The following BBOF1 variants were observed in gnomAD, a reference collection of about 807,000 sequenced individuals.
BBOF1 encodes the protein basal body-orientation factor 1.
Under a neutral mutation model 68.0 loss-of-function variants are expected in BBOF1, and 62 were observed. That is an observed-to-expected ratio of 0.91 (90% CI 0.74 to 1.13). BBOF1 has a LOEUF of 1.13. BBOF1 is among the 50% of genes most tolerant of loss of function. The probability of loss-of-function intolerance (pLI) is 0.00; values close to 1 mark genes in which losing one functional copy is unlikely to be tolerated. For missense variants in BBOF1, 534 were observed against 600.1 expected, an observed-to-expected ratio of 0.89 and a Z score of 1.15; for synonymous variants, 208 against 198.8, an observed-to-expected ratio of 1.05 and a Z score of -0.39.
Position 74,065,082 on chromosome 14 carries a change from T to TG in BBOF1, c.*388dup. ...AGAAATGGGGCAATGTGGGAGGTCA[T>TG]GGGGGCAATCTTAAACCAATGACTC... On this transcript the variant is annotated 3_prime_UTR_variant, in exon 12 of 12. Coordinates refer to ENST00000394009, the MANE Select transcript of BBOF1 (RefSeq NM_025057.3). 1 of 1,475,260 alleles carries TG rather than the reference T, an allele frequency of 6.8e-7. No individual in the cohort carries two copies. The highest frequency in any genetic ancestry group is 9.4e-7 in the Non-Finnish European group (1 of 1,062,772). 91.4% of individuals were successfully genotyped at this position (1,475,260 alleles called of 1,614,324 possible).
At position 74,021,914 on chromosome 14, in the gene BBOF1, GA is replaced by G. The variant is rs75025503; in HGVS notation, c.57-990del. Among the ~76,000 whole-genome samples, 55 of 138,126 alleles carry G rather than the reference GA, an allele frequency of 4.0e-4. 1 individual carries two copies. Among genetic ancestry groups the G allele is most frequent in the Middle Eastern group, 7.2e-3 (2 of 276 alleles). The allele number at this position is 138,126 out of a possible 152,430, so 90.6% of individuals were successfully genotyped here. ...AGAGTGAGACTCCGTCCCTCCCCCAGAAAAAAAAAAAACACACTCAAAAGTG... is the reference window on the plus strand; with the variant it reads ...AGAGTGAGACTCCGTCCCTCCCCCAGAAAAAAAAAAACACACTCAAAAGTG... On this transcript the variant is annotated intron_variant, in intron 1 of 11. Coordinates refer to ENST00000394009, the MANE Select transcript of BBOF1 (RefSeq NM_025057.3).
At chr14:74,023,999 A>C (rs193239858) in intron 2 of BBOF1, among the ~76,000 whole-genome samples, 1 of 151,880 alleles carries the variant, frequency 6.6e-6, no homozygotes, top group African/African-American at 2.4e-5. Flanking sequence ...ACAATGTACT[A>C]TACTGGGTGC....
intron 9 of BBOF1, among the ~76,000 whole-genome samples, chr14:74,072,805 T>C (rs2060568826): frequency 6.7e-6 from 1 of 148,356 alleles, no homozygotes; most frequent in Non-Finnish European, 1.5e-5. Context: ...TGTGTGTTTA[T>C]TTTTTTTTTG....
intron 8 of BBOF1, 147 bp from the exon 9 acceptor site, chr14:74,055,436 AC>A: frequency 1.7e-6 from 1 of 596,188 alleles, no homozygotes. Context: ...GGTGTGAGCC[AC>A]CGCGCCTGGC....
At chr14:74,063,993 A>G (rs908227346) in intron 11 of BBOF1, among the ~76,000 whole-genome samples, 2 of 151,976 alleles carry the variant, frequency 1.3e-5, no homozygotes, top group Non-Finnish European at 2.9e-5. Context: ...CTGTATTCAT[A>G]GTGCCTAAAA....
Position 74,050,199 on chromosome 14 carries a change from C to G in BBOF1, c.1286+4C>G. 1 of 1,522,160 alleles carries G rather than the reference C, an allele frequency of 6.6e-7. No individual in the cohort carries two copies. Among genetic ancestry groups the G allele is most frequent in the Non-Finnish European group, 8.8e-7 (1 of 1,137,344 alleles). 94.3% of individuals were successfully genotyped at this position (1,522,160 alleles called of 1,614,324 possible). Reference sequence around the variant, plus strand: ...ATCTTCTGGAGGCCGAAAAATGGTACTAGCAATACTTTATTATTATCTTTT... The same window carrying G: ...ATCTTCTGGAGGCCGAAAAATGGTAGTAGCAATACTTTATTATTATCTTTT... On this transcript the variant is annotated splice_donor_region_variant and intron_variant, in intron 8 of 11. Transcript: ENST00000394009.
chr14:74,020,420 T>C (rs1361492579), intron 1 of BBOF1, among the ~76,000 whole-genome samples: 1 of 152,180 alleles, frequency 6.6e-6, no homozygotes, highest in Non-Finnish European at 1.5e-5. Context: ...GGATTTTCCA[T>C]GACCCATTGT....
intron 11 of BBOF1, chr14:74,057,523 T>C: frequency 7.3e-7 from 1 of 1,363,694 alleles, no homozygotes; most frequent in East Asian, 3.2e-5. Context: ...CTAGCCAAAA[T>C]GTGTACTATC....
chr14:74,075,726 A>C (rs947244268), intron 9 of BBOF1, among the ~76,000 whole-genome samples: 5 of 152,172 alleles, frequency 3.3e-5, no homozygotes, highest in African/African-American at 1.2e-4. Flanking sequence ...ATAAATCAAA[A>C]TTTATTACCA....
intron 3 of BBOF1, among the ~76,000 whole-genome samples, chr14:74,033,605 G>A (rs549343142): frequency 4.0e-5 from 6 of 151,438 alleles, no homozygotes; most frequent in Admixed American, 6.6e-5. Context: ...GGCCAGGTGC[G>A]GTGGCTTATG....
intron 12 of BBOF1, chr14:74,081,275 G>A (rs1486690434): frequency 6.6e-6 from 1 of 152,218 alleles, no homozygotes; most frequent in Admixed American, 6.5e-5. Flanking sequence ...CTGGAAGAGA[G>A]TAAGTACTTA....
At chr14:74,045,132 T>C (rs1341553972) in intron 5 of BBOF1, among the ~76,000 whole-genome samples, 1 of 152,162 alleles carries the variant, frequency 6.6e-6, no homozygotes, top group Non-Finnish European at 1.5e-5. Flanking sequence ...CATGTAACAT[T>C]CTTAGAACTG....
chr14:74,060,478 C>A, intron 11 of BBOF1: 1 of 668,984 alleles, frequency 1.5e-6, no homozygotes. Flanking sequence ...TTACACTAGG[C>A]AGTTCCCTAT....
At chr14:74,030,951 G>GAC (rs2140985106) in intron 3 of BBOF1, among the ~76,000 whole-genome samples, 1 of 150,160 alleles carries the variant, frequency 6.7e-6, no homozygotes, top group East Asian at 2.0e-4. Flanking sequence ...GAGAGAGAGA[G>GAC]ATTATATATA....
chr14:74,039,760 A>G (rs917668601), intron 4 of BBOF1, among the ~76,000 whole-genome samples: 43 of 151,978 alleles, frequency 2.8e-4, no homozygotes, highest in African/African-American at 9.7e-4. Flanking sequence ...TTTTAGGATA[A>G]CTTCTTAGTA....
At chr14:74,043,289 G>T (rs995453480) in intron 5 of BBOF1, among the ~76,000 whole-genome samples, 3 of 151,582 alleles carry the variant, frequency 2.0e-5, no homozygotes, top group Non-Finnish European at 4.4e-5. Flanking sequence ...GGTGGCTCAC[G>T]CCTGTAATCC....
intron 4 of BBOF1, among the ~76,000 whole-genome samples, chr14:74,037,883 A>C (rs1009055148): frequency 1.3e-5 from 2 of 151,280 alleles, no homozygotes; most frequent in Non-Finnish European, 2.9e-5. Flanking sequence ...TGAACCTGGG[A>C]GGCGGAGGTT....
In BBOF1 at chr14:74,065,471, A is replaced by G; in HGVS notation, c.*772A>G. 2.1e-6 allele frequency: 2 copies of G among 964,840 alleles called. No homozygotes were observed. The highest frequency in any genetic ancestry group is 2.6e-5 in the East Asian group (1 of 38,458). The allele number at this position is 964,840 out of a possible 1,614,324, so 59.8% of individuals were successfully genotyped here. A position where few individuals can be genotyped will look rare whatever the true frequency, so the allele number is the denominator to read the frequency against. ...CATCATTTACGTGGACAACTTTCAT[A>G]TTACTAATCTCTTTTCATTTCAAAT... On this transcript the variant is annotated 3_prime_UTR_variant, in exon 12 of 12. Transcript: ENST00000394009.
chr14:74,048,336 C>T (rs2059995248), intron 7 of BBOF1: 1 of 272,020 alleles, frequency 3.7e-6, no homozygotes, highest in Admixed American at 5.1e-5. Context: ...ATTCATTTTT[C>T]TTTGCTTAGA....
Sources: allele counts gnomAD v4.1 joint callset (sites outside exome capture counted in the v4.1 genomes callset), GRCh38; gene constraint gnomAD v4.1.1; transcripts MANE v1.5; gene names NCBI Gene and HGNC (gene_info 2026-07-23, HGNC 2026-07-21).